Variants in MRPL48 observed in about 807,000 individuals in gnomAD.
MRPL48 encodes large ribosomal subunit protein mL48.
In MRPL48, 16 loss-of-function variants were observed where a neutral mutation model predicts 32.9. The observed-to-expected ratio is 0.49, with a 90% CI of 0.33 to 0.74. The LOEUF (loss-of-function observed/expected upper bound fraction) is 0.74. MRPL48 is among the 30% of genes least tolerant of loss of function. The pLI, the probability that MRPL48 is intolerant of heterozygous loss-of-function variation, is 0.02. For synonymous variants in MRPL48, 94 were observed against 89.2 expected (o/e 1.05, Z -0.31); for missense variants, 206 against 245.3 (o/e 0.84, Z 1.07).
At chr11:73,803,992 T>C (rs1199119553) in intron 1 of MRPL48, among the ~76,000 whole-genome samples, 1 of 152,212 alleles carries the variant, frequency 6.6e-6, no homozygotes, top group African/African-American at 2.4e-5. Flanking sequence ...AGATCTCGGC[T>C]CACTGCAACC....
intron 2 of MRPL48, among the ~76,000 whole-genome samples, chr11:73,807,745 C>G (rs1947481170): frequency 6.9e-6 from 1 of 145,700 alleles, no homozygotes; most frequent in African/African-American, 2.5e-5. Flanking sequence ...TCAGGTGATT[C>G]TCCTGCCTCA....
At chr11:73,863,959 C>A (rs1199922979) in intron 7 of MRPL48, among the ~76,000 whole-genome samples, 5 of 151,998 alleles carry the variant, frequency 3.3e-5, no homozygotes, top group Non-Finnish European at 7.4e-5. Context: ...CAGTCCAATC[C>A]CTGTTTGTTT....
intron 5 of MRPL48, among the ~76,000 whole-genome samples, chr11:73,857,579 C>A (rs1185193832): frequency 2.0e-5 from 3 of 147,954 alleles, no homozygotes; most frequent in Non-Finnish European, 4.5e-5. Flanking sequence ...CACGCCTGGC[C>A]GCATAGACTT....
intron 4 of MRPL48, 88 bp from the exon 5 acceptor site, chr11:73,844,715 TAGAA>T (rs1315771130): frequency 7.2e-7 from 1 of 1,394,252 alleles, no homozygotes; most frequent in African/African-American, 1.5e-5. Context: ...ACAAATTTAT[TAGAA>T]AGATTGACTT....
intron 1 of MRPL48, among the ~76,000 whole-genome samples, chr11:73,790,996 C>A (rs958049262): frequency 6.6e-6 from 1 of 151,236 alleles, no homozygotes; most frequent in Non-Finnish European, 1.5e-5. Context: ...GGTGATTCTC[C>A]CACCTCAGCC....
intron 1 of MRPL48, among the ~76,000 whole-genome samples, chr11:73,797,987 A>G: frequency 6.6e-6 from 1 of 152,228 alleles, no homozygotes; most frequent in East Asian, 1.9e-4. Context: ...TGTGCTCCTA[A>G]CAGCCATAAG....
intron 4 of MRPL48, among the ~76,000 whole-genome samples, chr11:73,833,424 GT>G (rs1268342169): frequency 1.3e-5 from 2 of 151,996 alleles, no homozygotes; most frequent in African/African-American, 4.8e-5. Context: ...ATGAATAATA[GT>G]AATGACCCTT....
At chr11:73,839,760 C>T (rs1265893856) in intron 4 of MRPL48, among the ~76,000 whole-genome samples, 2 of 152,038 alleles carry the variant, frequency 1.3e-5, no homozygotes, top group African/African-American at 2.4e-5. Context: ...TCCCTATAAC[C>T]ATAAAAAATG....
chr11:73,862,543 G>A (rs765539702), intron 6 of MRPL48, among the ~76,000 whole-genome samples: 1 of 152,168 alleles, frequency 6.6e-6, no homozygotes, highest in African/African-American at 2.4e-5. Context: ...AGGTTGCAGT[G>A]AACTGAGATA....
chr11:73,793,842 C>T (rs912602683), intron 1 of MRPL48, among the ~76,000 whole-genome samples: 5 of 147,158 alleles, frequency 3.4e-5, no homozygotes, highest in Non-Finnish European at 6.0e-5. Flanking sequence ...GGCAACATGG[C>T]GAAACCTTGT....
chr11:73,826,814 T>G (rs956413523), intron 4 of MRPL48, among the ~76,000 whole-genome samples: 1 of 149,834 alleles, frequency 6.7e-6, no homozygotes, highest in African/African-American at 2.5e-5. Context: ...TTCACTCTTA[T>G]TGCTCAGGCT....
chr11:73,845,076 A>T, intron 5 of MRPL48, 100 bp downstream of exon 5: 4 of 1,216,700 alleles, frequency 3.3e-6, no homozygotes, highest in Non-Finnish European at 3.4e-6. Flanking sequence ...ATGTAGTAAA[A>T]TTAACTCTTT....
chr11:73,816,307 C>T (rs1947670822), intron 3 of MRPL48, among the ~76,000 whole-genome samples: 3 of 149,398 alleles, frequency 2.0e-5, no homozygotes, highest in South Asian at 4.2e-4. Context: ...GTGATCCGCC[C>T]GCCTCGGCCT....
rs187600979 is a variant in MRPL48 at position 73,856,075 on chromosome 11, G to C, written c.372-3832G>C. On this transcript the variant is annotated intron_variant, in intron 5 of 7. Coordinates refer to ENST00000310614, the MANE Select transcript of MRPL48 (RefSeq NM_016055.6). ...CACAGTAGGCACTGAATACAGACTT[G>C]TTGATTTGGATTGAATTCTAACAGG... Among the ~76,000 whole-genome samples the C allele has an allele frequency of 3.9e-5, 6 of 152,322 alleles. No individual in the cohort carries two copies. The East Asian group carries it at 7.7e-4, about 20-fold the overall frequency.
Position 73,790,447 on chromosome 11 carries a change from C to T in MRPL48, c.21+2455C>T, listed in dbSNP as rs1157807236. Among the ~76,000 whole-genome samples the T allele has an allele frequency of 7.8e-5, 11 of 141,104 alleles. No homozygotes were observed. The South Asian group carries it at 1.9e-3, about 24-fold the overall frequency. 92.6% of individuals were successfully genotyped at this position (141,104 alleles called of 152,430 possible). The stretch of plus-strand genomic sequence containing the variant: ...TCACCCAGGCTGGAGTGCAGTGGCC[C>T]GACCTCAGCTCACTGCAAGCTCCGC... On this transcript the variant is annotated intron_variant, in intron 1 of 7. Coordinates refer to ENST00000310614, the MANE Select transcript of MRPL48 (RefSeq NM_016055.6).
intron 1 of MRPL48, among the ~76,000 whole-genome samples, chr11:73,794,723 T>C (rs2134933118): frequency 6.6e-6 from 1 of 151,938 alleles, no homozygotes; most frequent in South Asian, 2.1e-4. Flanking sequence ...ACTTGTGTTA[T>C]GAGGGCAAGT....
intron 5 of MRPL48, among the ~76,000 whole-genome samples, chr11:73,849,147 T>C (rs1056745480): frequency 4.6e-5 from 7 of 151,992 alleles, no homozygotes; most frequent in Non-Finnish European, 8.8e-5. Flanking sequence ...TTGTTTTTTG[T>C]TTTTGTTGAG....
chr11:73,814,283 AGAAGAC>A (rs1393159834), intron 3 of MRPL48, among the ~76,000 whole-genome samples: 1 of 151,832 alleles, frequency 6.6e-6, no homozygotes, highest in Non-Finnish European at 1.5e-5. Flanking sequence ...CCAGCTACTC[AGAAGAC>A]GAAGACTGAG....
At chr11:73,791,176 T>G (rs1457922441) in intron 1 of MRPL48, among the ~76,000 whole-genome samples, 2 of 152,004 alleles carry the variant, frequency 1.3e-5, no homozygotes, top group Non-Finnish European at 2.9e-5. Flanking sequence ...TGTGCCACCA[T>G]GCCTGGCCCG....
Sources: allele counts gnomAD v4.1 joint callset (sites outside exome capture counted in the v4.1 genomes callset), GRCh38; gene constraint gnomAD v4.1.1; transcripts MANE v1.5; gene names NCBI Gene and HGNC (gene_info 2026-07-23, HGNC 2026-07-21).